The following RFTN1 variants were observed in gnomAD, a reference collection of about 807,000 sequenced individuals.
The protein encoded by RFTN1 is raftlin, lipid raft linker 1.
A neutral mutation model predicts 46.5 loss-of-function variants in RFTN1; 26 were observed. The observed-to-expected ratio is 0.56, with a 90% CI of 0.41 to 0.78. The LOEUF (loss-of-function observed/expected upper bound fraction) is 0.78. Among genes scored for constraint, RFTN1 ranks in the 30% least tolerant of loss-of-function variants. The probability of loss-of-function intolerance (pLI) is 0.00; values close to 1 mark genes in which losing one functional copy is unlikely to be tolerated. For missense variants in RFTN1, 693 were observed against 718.7 expected (o/e 0.96, Z 0.41); for synonymous variants, 261 against 284.2 (o/e 0.92, Z 0.82).
Position 16,465,968 on chromosome 3 carries a change from G to A in RFTN1, c.145+27757C>T, listed in dbSNP as rs1304757252. Reference sequence around the variant, plus strand: ...AGATTCCATAGTTGTTTCTCTCAGCGCTTAGATTTCTCCAGAGGCAGAAAG... The same window carrying A: ...AGATTCCATAGTTGTTTCTCTCAGCACTTAGATTTCTCCAGAGGCAGAAAG... On this transcript the variant is annotated intron_variant, in intron 2 of 9. Transcript: ENST00000334133. This position sits in a 1 kb window ranked among gnomAD's most constrained non-coding sequence, Gnocchi z 5.1. 6.6e-6 allele frequency among the ~76,000 whole-genome samples: 1 copy of A among 152,168 alleles called. No homozygotes were observed. Among genetic ancestry groups the A allele is most frequent in the Non-Finnish European group, 1.5e-5 (1 of 68,028 alleles).
intron 1 of RFTN1, among the ~76,000 whole-genome samples, chr3:16,501,074 C>T (rs2076703093): frequency 6.6e-6 from 1 of 152,132 alleles, no homozygotes. Context: ...GATTGCGAGG[C>T]TGCAGTGAAC....
chr3:16,477,060 A>C (rs1429350166), intron 2 of RFTN1, among the ~76,000 whole-genome samples: 1 of 152,242 alleles, frequency 6.6e-6, no homozygotes, highest in Non-Finnish European at 1.5e-5. Flanking sequence ...ATTTTTGGTC[A>C]CAAAAATGGC....
At chr3:16,478,077 G>A (rs192110305) in intron 2 of RFTN1, among the ~76,000 whole-genome samples, 65 of 152,268 alleles carry the variant, frequency 4.3e-4, no homozygotes, top group Admixed American at 2.6e-3. Context: ...AAGGACCATC[G>A]CTCCCATCTC....
Position 16,317,331 on chromosome 3 carries a change from G to C in RFTN1, c.1333-99C>G. 1 of 1,273,306 alleles carries C rather than the reference G, an allele frequency of 7.9e-7. No individual in the cohort carries two copies. Among genetic ancestry groups the C allele is most frequent in the South Asian group, 1.3e-5 (1 of 76,738 alleles). 78.9% of individuals were successfully genotyped at this position (1,273,306 alleles called of 1,614,324 possible). A position where few individuals can be genotyped will look rare whatever the true frequency, so the allele number is the denominator to read the frequency against. The stretch of plus-strand genomic sequence containing the variant: ...ATTCATACCCACACCATGTCTGAGT[G>C]AGACATACAATTCCCAGCATCCCCC... On this transcript the variant is annotated intron_variant, in intron 9 of 9. Coordinates refer to ENST00000334133, the MANE Select transcript of RFTN1 (RefSeq NM_015150.2). The surrounding 1 kb of genome is among the most constrained non-coding windows in gnomAD (Gnocchi z 4.3).
chr3:16,442,358 T>C lies in RFTN1; in HGVS notation c.146-8321A>G, dbSNP rs1183343409. On this transcript the variant is annotated intron_variant, in intron 2 of 9. Transcript: ENST00000334133. The surrounding 1 kb of genome is among the most constrained non-coding windows in gnomAD (Gnocchi z 4.1). ...CCCCCAAAGGAAACTCCATGTCCAT[T>C]AAGCAGTTACTCTTCCCATTCCCCT... is the stretch of plus-strand genomic sequence containing the variant. 1.3e-5 allele frequency among the ~76,000 whole-genome samples: 2 copies of C among 152,134 alleles called. No homozygotes were observed.
At chr3:16,368,677 CAAA>C (rs60375407) in intron 6 of RFTN1, among the ~76,000 whole-genome samples, 1 of 102,320 alleles carries the variant, frequency 9.8e-6, no homozygotes. Flanking sequence ...AGACTCTGTC[CAAA>C]AAAAAAAAAG....
Position 16,323,300 on chromosome 3 carries a change from C to T in RFTN1, c.1332+76G>A, listed in dbSNP as rs191046836. ...CTTGGAAGCTGGAGCAGGCTGCCCC[C>T]TCAAATGCTGCAGAAAATCCACTGA... is the stretch of plus-strand genomic sequence containing the variant. On this transcript the variant is annotated intron_variant, in intron 9 of 9. Transcript: ENST00000334133. 256 of 1,151,742 alleles carry T rather than the reference C, an allele frequency of 2.2e-4. No individual in the cohort carries two copies. The African/African-American group carries it at 3.5e-3, about 16-fold the overall frequency. The allele number at this position is 1,151,742 out of a possible 1,614,324, so 71.3% of individuals were successfully genotyped here. A position where few individuals can be genotyped will look rare whatever the true frequency, so the allele number is the denominator to read the frequency against.
chr3:16,503,487 A>G (rs140738841), intron 1 of RFTN1, among the ~76,000 whole-genome samples: 1 of 151,990 alleles, frequency 6.6e-6, no homozygotes, highest in Non-Finnish European at 1.5e-5. Flanking sequence ...TATTTTTAAA[A>G]CCCCCAAGTG....
chr3:16,488,083 G>A (rs1021036470), intron 2 of RFTN1, among the ~76,000 whole-genome samples: 1 of 148,380 alleles, frequency 6.7e-6, no homozygotes, highest in Non-Finnish European at 1.5e-5. Context: ...ACTCAACAGT[G>A]TTAACTGTGA....
chr3:16,482,602 C>T (rs2076385164), intron 2 of RFTN1: 2 of 759,162 alleles, frequency 2.6e-6, no homozygotes, highest in Non-Finnish European at 2.3e-6. Context: ...TGCAGAACCA[C>T]GGGCACATTA....
At position 16,413,357 on chromosome 3, in the gene RFTN1, C is replaced by T. The variant is rs950690746; in HGVS notation, c.333-3874G>A. Among the ~76,000 whole-genome samples the T allele has an allele frequency of 2.6e-5, 4 of 152,226 alleles. No individual in the cohort carries two copies. Among genetic ancestry groups the T allele is most frequent in the African/African-American group, 9.6e-5 (4 of 41,456 alleles). On this transcript the variant is annotated intron_variant, in intron 3 of 9. Coordinates refer to ENST00000334133, the MANE Select transcript of RFTN1 (RefSeq NM_015150.2). The surrounding 1 kb of genome is among the most constrained non-coding windows in gnomAD (Gnocchi z 4.7). ...TGTGGCCTGGTTGTCCAAGATACCACAGGACAAAGGAATAAATATTCCGCT... is the reference window on the plus strand; with the variant it reads ...TGTGGCCTGGTTGTCCAAGATACCATAGGACAAAGGAATAAATATTCCGCT...
chr3:16,403,069 G>A (rs73043108), intron 4 of RFTN1, among the ~76,000 whole-genome samples: 5,756 of 152,202 alleles, frequency 0.038, 136 homozygotes, highest in Middle Eastern at 0.078. Context: ...GAACCTGGGC[G>A]GCAAGGGCCT....
chr3:16,491,575 C>T (rs1034202875), intron 2 of RFTN1, among the ~76,000 whole-genome samples: 1 of 152,110 alleles, frequency 6.6e-6, no homozygotes. Context: ...AGTGTGGATG[C>T]TGCAGCTGAA....
chr3:16,431,530 T>C (rs764982974), intron 3 of RFTN1, among the ~76,000 whole-genome samples: 1 of 152,134 alleles, frequency 6.6e-6, no homozygotes, highest in Non-Finnish European at 1.5e-5. Context: ...CCTTCACTTT[T>C]TGAGTTAAGC....
chr3:16,445,490 C>CACAT (rs2075712594), intron 2 of RFTN1, among the ~76,000 whole-genome samples: 2 of 145,924 alleles, frequency 1.4e-5, no homozygotes, highest in South Asian at 2.2e-4. Context: ...CTCTCACACA[C>CACAT]ACACACACAC....
chr3:16,358,106 T>A lies in RFTN1; in HGVS notation c.1031-59A>T, dbSNP rs575671920. 1.5e-5 allele frequency: 14 copies of A among 921,288 alleles called. No homozygotes were observed. The East Asian group carries it at 3.4e-4, about 22-fold the overall frequency. 57.1% of individuals were successfully genotyped at this position (921,288 alleles called of 1,614,324 possible). On this transcript the variant is annotated intron_variant, in intron 6 of 9. Coordinates refer to ENST00000334133, the MANE Select transcript of RFTN1 (RefSeq NM_015150.2). The stretch of plus-strand genomic sequence containing the variant: ...GTCTGTAAACCGTCTGTGGCAGAAG[T>A]CTTCTAAGCAGCAAACATTTCCACT...
intron 4 of RFTN1, among the ~76,000 whole-genome samples, chr3:16,404,134 TATATAATATACATTTTATATATATTA>T (rs2074751035): frequency 5.6e-5 from 3 of 53,920 alleles, no homozygotes; most frequent in Non-Finnish European, 9.0e-5. Flanking sequence ...TTATATATAA[TATATAATATACATTTTATATATATTA>T]TATATAATAT....
rs2076223587 is a variant in RFTN1 at position 16,473,031 on chromosome 3, G to C, written c.145+20694C>G. 6.6e-6 allele frequency among the ~76,000 whole-genome samples: 1 copy of C among 152,148 alleles called. No individual in the cohort carries two copies. Among genetic ancestry groups the C allele is most frequent in the Non-Finnish European group, 1.5e-5 (1 of 68,036 alleles). On this transcript the variant is annotated intron_variant, in intron 2 of 9. Coordinates refer to ENST00000334133, the MANE Select transcript of RFTN1 (RefSeq NM_015150.2). This position sits in a 1 kb window ranked among gnomAD's most constrained non-coding sequence, Gnocchi z 5.3. ...TTCATCTCCCTTCTAAATGATACTAGGAAATCTGTTGGCTATAAATGAACT... is the reference window on the plus strand; with the variant it reads ...TTCATCTCCCTTCTAAATGATACTACGAAATCTGTTGGCTATAAATGAACT...
rs55992248 is a variant in RFTN1, at chr3:16,374,038, G to A, written c.826+3680C>T. Among the ~76,000 whole-genome samples the A allele has an allele frequency of 0.089, 13,597 of 152,208 alleles. 740 individuals carry two copies. The highest frequency in any genetic ancestry group is 0.16 in the Middle Eastern group (48 of 294). The stretch of plus-strand genomic sequence containing the variant: ...GGCAAAGTGCAGGGACCGCTGCTGC[G>A]TGCACAACAATCCACAGGACTCCAC... On this transcript the variant is annotated intron_variant, in intron 5 of 9. Transcript: ENST00000334133. The surrounding 1 kb of genome is among the most constrained non-coding windows in gnomAD (Gnocchi z 5.4).
Sources: allele counts gnomAD v4.1 joint callset (sites outside exome capture counted in the v4.1 genomes callset), GRCh38; gene constraint gnomAD v4.1.1; non-coding constraint Gnocchi (gnomAD v3.1); transcripts MANE v1.5; gene names NCBI Gene and HGNC (gene_info 2026-07-23, HGNC 2026-07-21).